Variants in SI observed in about 807,000 individuals in gnomAD.
The protein encoded by SI is sucrase-isomaltase, intestinal.
SI carries 235 observed loss-of-function variants against 253.3 expected under a neutral mutation model. That is an observed-to-expected ratio of 0.93 (90% CI 0.83 to 1.03). The LOEUF (loss-of-function observed/expected upper bound fraction) is 1.03, where lower values mean the gene tolerates loss of function less well. Among genes scored for constraint, SI ranks in the 50% least tolerant of loss-of-function variants. The probability of loss-of-function intolerance (pLI) is 0.00; values close to 1 mark genes in which losing one functional copy is unlikely to be tolerated. For synonymous variants in SI, 819 were observed against 712.0 expected (o/e 1.15, Z -2.39); for missense variants, 2,442 against 2,211.1 (o/e 1.10, Z -2.09).
At chr3:165,021,849 T>C (rs1429286751) in intron 26 of SI, among the ~76,000 whole-genome samples, 1 of 151,598 alleles carries the variant, frequency 6.6e-6, no homozygotes, top group African/African-American at 2.4e-5. Context: ...CGTTTTAGGG[T>C]CTTTGATAAC....
intron 45 of SI, among the ~76,000 whole-genome samples, chr3:164,983,359 G>A (rs1437495378): frequency 6.6e-6 from 1 of 152,110 alleles, no homozygotes; most frequent in Non-Finnish European, 1.5e-5. Context: ...GTGGCAAGAA[G>A]TGCACAAGTA....
chr3:165,001,586 A>G (rs1188306328), intron 37 of SI, among the ~76,000 whole-genome samples: 8 of 151,540 alleles, frequency 5.3e-5, no homozygotes, highest in Non-Finnish European at 7.4e-5. Context: ...AGAGTTTTAT[A>G]GATTCATATC....
intron 3 of SI, among the ~76,000 whole-genome samples, chr3:165,070,466 TATTA>T (rs1211619978): frequency 6.6e-6 from 1 of 150,770 alleles, no homozygotes; most frequent in Non-Finnish European, 1.5e-5. Context: ...TCTAATAACT[TATTA>T]GAGTCTAAAG....
At chr3:165,018,251 G>T (rs1310012712) in intron 28 of SI, among the ~76,000 whole-genome samples, 185 bp from the exon 29 acceptor site, 1 of 151,012 alleles carries the variant, frequency 6.6e-6, no homozygotes, top group Non-Finnish European at 1.5e-5. Flanking sequence ...AATTTTTTCT[G>T]CTTTCGTGCA....
intron 25 of SI, among the ~76,000 whole-genome samples, chr3:165,025,126 T>A (rs1016481551): frequency 3.3e-5 from 5 of 151,184 alleles, no homozygotes; most frequent in African/African-American, 1.2e-4. Flanking sequence ...TCGCCCAGGG[T>A]TTAGTCTTTG....
In SI at chr3:165,074,598, C is replaced by T. The variant is rs1296596467; in HGVS notation, c.188G>A (p.Cys63Tyr). 1.2e-6 allele frequency: 2 copies of T among 1,610,478 alleles called. No individual in the cohort carries two copies. The highest frequency in any genetic ancestry group is 1.7e-6 in the Non-Finnish European group (2 of 1,177,522). Residue 63 changes from cysteine to tyrosine, a missense_variant, in exon 3 of 48, where the codon TGT becomes TAT. Coordinates refer to ENST00000264382, the MANE Select transcript of SI (RefSeq NM_001041.4). ...VTTNPSDSGK[C>Y]PNVLNDPVNV... The stretch of plus-strand genomic sequence containing the variant: ...GACAGGATCATTTAACACATTTGGA[C>T]ATTTTCCTGAATCAGAAGGATTTGT...
At chr3:165,060,390 ACTC>A (rs1194288033) in intron 9 of SI, among the ~76,000 whole-genome samples, 2 of 151,832 alleles carry the variant, frequency 1.3e-5, no homozygotes, top group Non-Finnish European at 2.9e-5. Context: ...TTTCCACCAC[ACTC>A]CTATTTTCTA....
At chr3:165,045,335 C>T (rs1251365605) in intron 16 of SI, among the ~76,000 whole-genome samples, 1 of 152,006 alleles carries the variant, frequency 6.6e-6, no homozygotes, top group Non-Finnish European at 1.5e-5. Flanking sequence ...ATTTACTTAG[C>T]TATCACTTAT....
In SI at chr3:165,055,252, C is replaced by T. The variant is rs1163838608; in HGVS notation, c.1454G>A (p.Trp485Ter). ...GAAAATACTGCATTCATTTGCCCAC[C>T]AATCAATGCAGTTTGGGTTAGTGAA... ...PDFTNPNCID[W>*]WANECSIFHQ... Residue 485 changes from tryptophan to a stop codon, truncating the protein, a stop_gained, in exon 13 of 48, where the codon TGG becomes TAG. Transcript: ENST00000264382. LOFTEE classifies it high-confidence loss of function. 1 of 1,611,818 alleles carries T rather than the reference C, an allele frequency of 6.2e-7. No individual in the cohort carries two copies. Among genetic ancestry groups the T allele is most frequent in the East Asian group, 2.2e-5 (1 of 44,688 alleles).
intron 25 of SI, among the ~76,000 whole-genome samples, chr3:165,027,211 C>T (rs1711975156): frequency 6.6e-6 from 1 of 151,048 alleles, no homozygotes; most frequent in Non-Finnish European, 1.5e-5. Context: ...ATTAGATGAC[C>T]TAGAAGAGAT....
chr3:164,998,866 C>T lies in SI; in HGVS notation c.4407-193G>A, dbSNP rs986004804. 5.9e-5 allele frequency among the ~76,000 whole-genome samples: 9 copies of T among 151,742 alleles called. No homozygotes were observed. The South Asian group carries it at 6.2e-4, about 11-fold the overall frequency. ...CTCAAAACATAAAGGACGTCTTTTT[C>T]CCTTCCAACATTTACCAGAGTGACA... On this transcript the variant is annotated intron_variant, in intron 37 of 47. Coordinates refer to ENST00000264382, the MANE Select transcript of SI (RefSeq NM_001041.4).
intron 33 of SI, among the ~76,000 whole-genome samples, chr3:165,014,578 C>A (rs1718937527): frequency 6.6e-6 from 1 of 151,830 alleles, no homozygotes; most frequent in Non-Finnish European, 1.5e-5. Flanking sequence ...ATGGTGTTAT[C>A]ATTGTTGTTC....
intron 20 of SI, among the ~76,000 whole-genome samples, chr3:165,038,481 G>A (rs911686701): frequency 9.3e-5 from 14 of 151,258 alleles, no homozygotes; most frequent in Non-Finnish European, 1.3e-4. Context: ...AGGCCATGGC[G>A]GGCGGATCAC....
chr3:164,992,202 T>A lies in SI; in HGVS notation c.4958A>T (p.Asn1653Ile). 1.2e-6 allele frequency: 2 copies of A among 1,611,896 alleles called. No individual in the cohort carries two copies. The highest frequency in any genetic ancestry group is 8.5e-7 in the Non-Finnish European group (1 of 1,179,280). Residue 1653 changes from asparagine to isoleucine, a missense_variant, in exon 43 of 48, where the codon AAT becomes ATT. Coordinates refer to ENST00000264382, the MANE Select transcript of SI (RefSeq NM_001041.4). ...YVQTVNAYVP[N>I]ARWFDYHTGK... The stretch of plus-strand genomic sequence containing the variant: ...TGTATGGTAGTCAAACCACCGAGCA[T>A]TGGGGACGTAGGCATTTACAGTTTG...
chr3:165,009,353 A>C lies in SI; in HGVS notation c.4105T>G (p.Ser1369Ala). The change falls in exon 35 of 48, where the codon TCC becomes GCC. Residue 1369 changes from serine (S) to alanine (A), a missense_variant. Ser to Ala is a moderately conservative substitution (Grantham distance 99, BLOSUM62 1). Coordinates refer to ENST00000264382, the MANE Select transcript of SI (RefSeq NM_001041.4). The stretch of plus-strand genomic sequence containing the variant: ...TCTCTGGCCCACCACTCTGCTGTGG[A>C]AGTCCTGAAGAAATCTGGGAAAGCT... ...HVAFPDFFRT[S>A]TAEWWAREIV... is the part of the protein sequence containing the mutation. 6.2e-7 allele frequency: 1 copy of C among 1,613,664 alleles called. No individual in the cohort carries two copies. Among genetic ancestry groups the C allele is most frequent in the Non-Finnish European group, 8.5e-7 (1 of 1,179,688 alleles).
chr3:165,047,371 C>T (rs551198138), intron 15 of SI, among the ~76,000 whole-genome samples: 2 of 151,908 alleles, frequency 1.3e-5, no homozygotes, highest in Admixed American at 1.3e-4. Context: ...ATTGTGAGGC[C>T]CCCCCAGCCA....
At chr3:165,029,013 A>G (rs1218728718) in intron 25 of SI, among the ~76,000 whole-genome samples, 1 of 151,302 alleles carries the variant, frequency 6.6e-6, no homozygotes, top group Non-Finnish European at 1.5e-5. Flanking sequence ...GAAAATCTTC[A>G]CCATCTATAC....
chr3:164,989,419 A>AG (rs1717617289), intron 44 of SI, among the ~76,000 whole-genome samples: 2 of 147,642 alleles, frequency 1.4e-5, no homozygotes, highest in East Asian at 4.0e-4. Flanking sequence ...AAAGAAAGAA[A>AG]GAAAGAAAGA....
chr3:165,022,301 G>A (rs1364061798), intron 26 of SI, among the ~76,000 whole-genome samples: 4 of 149,450 alleles, frequency 2.7e-5, no homozygotes, highest in South Asian at 2.1e-4. Context: ...GTCACTTAAC[G>A]CCTTTTTATC....
Sources: gnomAD v4.1 joint callset for allele counts (sites outside exome capture counted in the v4.1 genomes callset) on GRCh38, gnomAD v4.1.1 for gene constraint, MANE v1.5 for transcripts, NCBI Gene and HGNC (gene_info 2026-07-23, HGNC 2026-07-21) for gene names.